SLC9C1: variants seen among roughly 807,000 people sequenced by gnomAD.
SLC9C1 encodes the protein sodium/hydrogen exchanger 10.
In SLC9C1, 97 loss-of-function variants were observed where a neutral mutation model predicts 140.9. The ratio of observed to expected loss-of-function variants is 0.69; its 90% CI spans 0.58 to 0.82. SLC9C1 has a LOEUF of 0.82. SLC9C1 is among the 40% of genes least tolerant of loss of function. The probability of loss-of-function intolerance (pLI) is 0.00; values close to 1 mark genes in which losing one functional copy is unlikely to be tolerated. For synonymous variants in SLC9C1, 440 were observed against 442.6 expected (o/e 0.99, Z 0.07); for missense variants, 1,340 against 1,389.3 (o/e 0.96, Z 0.56).
At chr3:112,280,931 A>G in intron 2 of SLC9C1, 148 bp from the exon 3 acceptor site, 2 of 697,414 alleles carry the variant, frequency 2.9e-6, no homozygotes, top group South Asian at 3.5e-5. Context: ...TTATCAGCAC[A>G]CAGAATCAGT....
At chr3:112,223,912 A>G (rs959360071) in intron 13 of SLC9C1, among the ~76,000 whole-genome samples, 1 of 152,200 alleles carries the variant, frequency 6.6e-6, no homozygotes, top group Non-Finnish European at 1.5e-5. Flanking sequence ...CTATACTAAA[A>G]AGCAAAATGT....
chr3:112,271,902 T>C (rs966968689), intron 6 of SLC9C1, among the ~76,000 whole-genome samples: 2 of 152,004 alleles, frequency 1.3e-5, no homozygotes, highest in African/African-American at 2.4e-5. Context: ...TTTCTGTACA[T>C]ACATTTTTTT....
At chr3:112,271,408 T>TA (rs2080072655) in intron 6 of SLC9C1, among the ~76,000 whole-genome samples, 1 of 149,498 alleles carries the variant, frequency 6.7e-6, no homozygotes, top group Admixed American at 6.7e-5. Context: ...TATATATATA[T>TA]ATCAAAGCCT....
In SLC9C1 at chr3:112,264,318, C is replaced by A. The variant is rs1047496521; in HGVS notation, c.904G>T (p.Ala302Ser). Residue 302 changes from alanine (A) to serine (S), a missense_variant, in exon 9 of 29, where the codon GCT becomes TCT. Transcript: ENST00000305815. ...LEFWTFLSRI[A>S]FLMVFTFFGL... ...AAGAAAGTAAACACCATGAGAAAAG[C>A]AATACGTGATAGAAAAGTCCAGAAT... 9 of 1,467,686 alleles carry A rather than the reference C, an allele frequency of 6.1e-6. No individual in the cohort carries two copies. The highest frequency in any genetic ancestry group is 3.0e-5 in the African/African-American group (2 of 67,772). 90.9% of individuals were successfully genotyped at this position (1,467,686 alleles called of 1,614,324 possible).
chr3:112,257,865 C>T lies in SLC9C1; in HGVS notation c.1197+5059G>A, dbSNP rs373849638. ...AAACAAATTTACAAGAAAACAACCC[C>T]ATTAAAAGTAGGTAAAGGACATGAG... On this transcript the variant is annotated intron_variant, in intron 10 of 28. Transcript: ENST00000305815. Among the ~76,000 whole-genome samples the T allele has an allele frequency of 1.6e-3, 241 of 152,090 alleles. 3 individuals carry two copies. Among genetic ancestry groups the T allele is most frequent in the African/African-American group, 5.4e-3 (226 of 41,540 alleles).
At chr3:112,279,192 G>T (rs2080295655) in intron 3 of SLC9C1, among the ~76,000 whole-genome samples, 1 of 152,170 alleles carries the variant, frequency 6.6e-6, no homozygotes, top group African/African-American at 2.4e-5. Context: ...GGGAAACACT[G>T]AGTACCTACT....
chr3:112,168,924 G>C lies in SLC9C1; in HGVS notation c.3190C>G (p.Arg1064Gly). The C allele has an allele frequency of 1.2e-6, 2 of 1,601,514 alleles. No homozygotes were observed. Among genetic ancestry groups the C allele is most frequent in the Non-Finnish European group, 1.7e-6 (2 of 1,176,538 alleles). Residue 1064 changes from arginine (R) to glycine (G), a missense_variant, in exon 25 of 29, where the codon CGA becomes GGA. Arg to Gly is a moderately radical substitution (Grantham distance 125). Coordinates refer to ENST00000305815, the MANE Select transcript of SLC9C1 (RefSeq NM_183061.3). The part of the protein sequence containing the change: ...IHGAVEDCLL[R>G]KTYRAPFLIP... ...AAGAAAGGTGCTCTATAAGTTTTTC[G>C]TAACAGACAATCTTCTACAGCTCCA...
Position 112,217,474 on chromosome 3 carries a change from A to G in SLC9C1, c.1758T>C (p.Tyr586=), listed in dbSNP as rs769134318. 1.9e-6 allele frequency: 3 copies of G among 1,607,384 alleles called. No homozygotes were observed. Among genetic ancestry groups the G allele is most frequent in the South Asian group, 1.1e-5 (1 of 89,010 alleles). Residue 586 remains tyrosine (Y), a synonymous_variant, in exon 15 of 29, where the codon TAT becomes TAC. Coordinates refer to ENST00000305815, the MANE Select transcript of SLC9C1 (RefSeq NM_183061.3). The stretch of plus-strand genomic sequence containing the variant: ...GGCCCTCTTTTTCCTTTCTGGTATT[A>G]TACACCCAATTAAGTAGTAGTTTTC... ...FARKLLLNWV[Y]NTRKEKEGPS...
intron 20 of SLC9C1, among the ~76,000 whole-genome samples, chr3:112,187,550 C>T (rs1335915470): frequency 6.6e-6 from 1 of 152,124 alleles, no homozygotes. Context: ...ACTGTGTCTT[C>T]AGGATTCTAT....
chr3:112,280,663 T>A lies in SLC9C1; in HGVS notation c.189+20A>T. ...TAATTCTCAAATAAATAGTGTAAAATACTCATTTACAATACACACCTGTGA... is the reference window on the plus strand; with the variant it reads ...TAATTCTCAAATAAATAGTGTAAAAAACTCATTTACAATACACACCTGTGA... On this transcript the variant is annotated intron_variant, in intron 3 of 28. Coordinates refer to ENST00000305815, the MANE Select transcript of SLC9C1 (RefSeq NM_183061.3). 1 of 1,550,854 alleles carries A rather than the reference T, an allele frequency of 6.4e-7. No individual in the cohort carries two copies. The highest frequency in any genetic ancestry group is 8.7e-7 in the Non-Finnish European group (1 of 1,147,222).
intron 23 of SLC9C1, among the ~76,000 whole-genome samples, chr3:112,178,747 T>C (rs1475054998): frequency 6.6e-6 from 1 of 152,226 alleles, no homozygotes; most frequent in East Asian, 1.9e-4. Flanking sequence ...ACGTTTTCTA[T>C]TAACATTCAC....
At chr3:112,188,315 C>T (rs1045673424) in intron 20 of SLC9C1, among the ~76,000 whole-genome samples, 9 of 151,816 alleles carry the variant, frequency 5.9e-5, no homozygotes, top group South Asian at 2.1e-4. Flanking sequence ...ATACTTGTGC[C>T]GTGTTGGTTT....
At chr3:112,283,901 C>G (rs1028683215) in intron 2 of SLC9C1, among the ~76,000 whole-genome samples, 2 of 149,880 alleles carry the variant, frequency 1.3e-5, no homozygotes, top group African/African-American at 2.5e-5. Flanking sequence ...TTACTTCTTT[C>G]AAAGTTTGTT....
intron 11 of SLC9C1, among the ~76,000 whole-genome samples, chr3:112,240,262 A>G (rs192291868): frequency 1.3e-5 from 2 of 152,358 alleles, no homozygotes; most frequent in Non-Finnish European, 2.9e-5. Context: ...GCATTTCAGC[A>G]CTTTTCATGC....
chr3:112,287,600 G>A (rs968264362), intron 1 of SLC9C1, among the ~76,000 whole-genome samples: 18 of 152,186 alleles, frequency 1.2e-4, no homozygotes, highest in Admixed American at 5.9e-4. Context: ...GTTAACCACA[G>A]TCAGGCAATC....
intron 15 of SLC9C1, among the ~76,000 whole-genome samples, chr3:112,208,879 C>T (rs1207767180): frequency 3.9e-5 from 6 of 152,084 alleles, no homozygotes; most frequent in Admixed American, 2.6e-4. Context: ...AGCATCTTCT[C>T]TTGTCAAGGT....
chr3:112,200,087 G>A (rs2108028187), intron 19 of SLC9C1, among the ~76,000 whole-genome samples: 1 of 152,074 alleles, frequency 6.6e-6, no homozygotes, highest in Middle Eastern at 3.4e-3. Flanking sequence ...TCATCTCCAG[G>A]TTTGCTGTGT....
At chr3:112,276,731 A>C (rs2080225163) in intron 5 of SLC9C1, among the ~76,000 whole-genome samples, 2 of 152,010 alleles carry the variant, frequency 1.3e-5, no homozygotes, top group Admixed American at 1.3e-4. Context: ...AGCGGAGAAA[A>C]GGGCTGGCAC....
At position 112,180,611 on chromosome 3, in the gene SLC9C1, C is replaced by T. The variant is rs2077421462; in HGVS notation, c.2701G>A (p.Gly901Ser). The T allele has an allele frequency of 1.9e-6, 3 of 1,613,400 alleles. No individual in the cohort carries two copies. The highest frequency in any genetic ancestry group is 4.5e-5 in the East Asian group (2 of 44,866). Residue 901 changes from glycine (G) to serine (S), a missense_variant, in exon 22 of 29, where the codon GGT becomes AGT. Transcript: ENST00000305815. The part of the protein sequence containing the change: ...FDCGNDIFEE[G>S]DEPKGIYIII... ...ATATAGATTCCTTTGGGCTCATCAC[C>T]TTCTTCAAATATATCATTTCCACAA...
Sources: gnomAD v4.1 joint callset for allele counts (sites outside exome capture counted in the v4.1 genomes callset) on GRCh38, gnomAD v4.1.1 for gene constraint, MANE v1.5 for transcripts, NCBI Gene and HGNC (gene_info 2026-07-23, HGNC 2026-07-21) for gene names.